PRKAR2A: variants seen among roughly 807,000 people sequenced by gnomAD.
PRKAR2A encodes cAMP-dependent protein kinase type II-alpha regulatory subunit.
In PRKAR2A, 29 loss-of-function variants were observed where a neutral mutation model predicts 51.9. That is an observed-to-expected ratio of 0.56 (90% CI 0.42 to 0.76). The LOEUF (loss-of-function observed/expected upper bound fraction) is 0.76, where lower values mean the gene tolerates loss of function less well. Ranked by LOEUF, PRKAR2A falls within the 30% of genes least tolerant of loss-of-function variation. PRKAR2A has a pLI of 0.00. For missense variants in PRKAR2A, 445 were observed against 512.1 expected (o/e 0.87, Z 1.26); for synonymous variants, 178 against 186.2 (o/e 0.96, Z 0.36).
chr3:48,796,669 G>GATT (rs1264041197), intron 2 of PRKAR2A, among the ~76,000 whole-genome samples: 8 of 97,088 alleles, frequency 8.2e-5, no homozygotes, highest in African/African-American at 2.9e-4. Context: ...GTAGAGACGG[G>GATT]GTTTTTTTTT....
chr3:48,762,101 C>G (rs906960333), intron 8 of PRKAR2A, among the ~76,000 whole-genome samples: 1 of 152,138 alleles, frequency 6.6e-6, no homozygotes, highest in African/African-American at 2.4e-5. Flanking sequence ...AAAATTAAAA[C>G]CATTTTCTCT....
intron 5 of PRKAR2A, among the ~76,000 whole-genome samples, chr3:48,778,821 A>ATT (rs759904828): frequency 3.4e-4 from 29 of 86,394 alleles, no homozygotes; most frequent in Admixed American, 6.4e-4. Context: ...CTCGGCCTGC[A>ATT]TTTTTTTTTT....
In PRKAR2A at chr3:48,752,318, C is replaced by T; in HGVS notation, c.940-1G>A. 1 of 1,613,202 alleles carries T rather than the reference C, an allele frequency of 6.2e-7. No homozygotes were observed. The highest frequency in any genetic ancestry group is 2.2e-5 in the East Asian group (1 of 44,880). On this transcript the variant is annotated splice_acceptor_variant, in intron 9 of 10. Coordinates refer to ENST00000265563, the MANE Select transcript of PRKAR2A (RefSeq NM_004157.4). LOFTEE classifies it high-confidence loss of function. ...TCCCACCATCCTTGTTTGATTTAGT[C>T]TACAGCAGGCAAAGAACATGACCTA...
chr3:48,822,412 C>T (rs1219669958), intron 1 of PRKAR2A, among the ~76,000 whole-genome samples: 1 of 151,980 alleles, frequency 6.6e-6, no homozygotes, highest in Non-Finnish European at 1.5e-5. Context: ...AGAACACCAG[C>T]TAGCACTCAC....
intron 9 of PRKAR2A, among the ~76,000 whole-genome samples, chr3:48,752,867 A>C (rs571315686): frequency 3.1e-4 from 47 of 150,530 alleles, no homozygotes; most frequent in African/African-American, 1.1e-3. Flanking sequence ...CTGGCCAACA[A>C]ATTTCTTTTT....
intron 1 of PRKAR2A, among the ~76,000 whole-genome samples, chr3:48,810,154 C>T (rs1043580584): frequency 6.6e-6 from 1 of 151,968 alleles, no homozygotes; most frequent in African/African-American, 2.4e-5. Context: ...ATGTAAACTG[C>T]CTTTAACCCA....
At chr3:48,837,210 G>A (rs2083300863) in intron 1 of PRKAR2A, among the ~76,000 whole-genome samples, 1 of 152,024 alleles carries the variant, frequency 6.6e-6, no homozygotes, top group Admixed American at 6.6e-5. Flanking sequence ...CAGGAGCCCA[G>A]CTATGGTGGC....
Position 48,747,885 on chromosome 3 carries a change from A to G in PRKAR2A, c.*3700T>C, listed in dbSNP as rs1199890981. ...AGTGCAGGGCTTGCCTGATGTGGAC[A>G]ATGTGGATACCTCAGCCCTGAGTTG... On this transcript the variant is annotated 3_prime_UTR_variant, in exon 11 of 11. Coordinates refer to ENST00000265563, the MANE Select transcript of PRKAR2A (RefSeq NM_004157.4). 1 of 152,252 alleles carries G rather than the reference A, an allele frequency of 6.6e-6. No homozygotes were observed. The highest frequency in any genetic ancestry group is 1.5e-5 in the Non-Finnish European group (1 of 68,056). The allele number at this position is 152,252 out of a possible 1,614,324, so 9.4% of individuals were successfully genotyped here.
Position 48,847,247 on chromosome 3 carries a change from G to T in PRKAR2A, c.262+88C>A. The T allele has an allele frequency of 1.4e-6, 2 of 1,480,774 alleles. No individual in the cohort carries two copies. The highest frequency in any genetic ancestry group is 1.8e-6 in the Non-Finnish European group (2 of 1,101,028). 91.7% of individuals were successfully genotyped at this position (1,480,774 alleles called of 1,614,324 possible). A position where few individuals can be genotyped will look rare whatever the true frequency, so the allele number is the denominator to read the frequency against. On this transcript the variant is annotated intron_variant, in intron 1 of 10. Coordinates refer to ENST00000265563, the MANE Select transcript of PRKAR2A (RefSeq NM_004157.4). This position sits in a 1 kb window ranked among gnomAD's most constrained non-coding sequence, Gnocchi z 4.4. ...CCAATCCCAGCCTGCGGTCGGCTTG[G>T]CTGCGGCGCGACACCTGGCTCCCTG... is the stretch of plus-strand genomic sequence containing the variant.
intron 2 of PRKAR2A, 68 bp downstream of exon 2, chr3:48,807,579 ATC>A (rs1244817975): frequency 1.2e-5 from 14 of 1,215,418 alleles, no homozygotes; most frequent in South Asian, 3.9e-5. Flanking sequence ...TATTCAAAAT[ATC>A]TGTTTTTTCA....
chr3:48,810,899 G>A (rs1396328571), intron 1 of PRKAR2A, among the ~76,000 whole-genome samples: 2 of 152,110 alleles, frequency 1.3e-5, no homozygotes, highest in African/African-American at 4.8e-5. Flanking sequence ...ACAAGGGGCC[G>A]GGTGCAGTGG....
intron 1 of PRKAR2A, among the ~76,000 whole-genome samples, chr3:48,835,169 C>T (rs1363834791): frequency 6.6e-6 from 1 of 152,026 alleles, no homozygotes; most frequent in Admixed American, 6.6e-5. Context: ...CGGGGTTTCC[C>T]CATGTTGGCC....
chr3:48,801,584 C>T (rs537835682), intron 2 of PRKAR2A, among the ~76,000 whole-genome samples: 1 of 152,176 alleles, frequency 6.6e-6, no homozygotes, highest in African/African-American at 2.4e-5. Flanking sequence ...CTACCATGCC[C>T]AGCTTTATTT....
At chr3:48,793,672 C>T (rs1217690604) in intron 3 of PRKAR2A, among the ~76,000 whole-genome samples, 2 of 151,584 alleles carry the variant, frequency 1.3e-5, no homozygotes, top group Non-Finnish European at 2.9e-5. Flanking sequence ...TTTTTTTCCC[C>T]ACAGAGATGG....
Position 48,751,679 on chromosome 3 carries a change from C to A in PRKAR2A, c.1121G>T (p.Cys374Phe), listed in dbSNP as rs1173866135. 1 of 1,613,888 alleles carries A rather than the reference C, an allele frequency of 6.2e-7. No individual in the cohort carries two copies. Among genetic ancestry groups the A allele is most frequent in the South Asian group, 1.1e-5 (1 of 91,084 alleles). ...GATGTTCCTCTTCATGATGTCCATG[C>A]AGGGCCCCAGAAGCCTCTCGAATGC... ...VQAFERLLGPCMDIMKRNISH... is the reference protein window; with the variant it reads ...VQAFERLLGPFMDIMKRNISH... Residue 374 changes from cysteine to phenylalanine, a missense_variant, in exon 11 of 11, where the codon TGC (cysteine) becomes TTC (phenylalanine). Transcript: ENST00000265563.
chr3:48,776,395 A>G (rs1228165273), intron 5 of PRKAR2A, among the ~76,000 whole-genome samples: 4 of 152,224 alleles, frequency 2.6e-5, no homozygotes, highest in African/African-American at 7.2e-5. Flanking sequence ...GGTAATATCT[A>G]TAATAGTAAA....
At chr3:48,756,071 T>C (rs145885061) in intron 9 of PRKAR2A, among the ~76,000 whole-genome samples, 1,975 of 151,874 alleles carry the variant, frequency 0.013, 22 homozygotes, top group Non-Finnish European at 0.02. Context: ...TGAGCCACTG[T>C]GCCCGGCCCC....
chr3:48,847,553 T>C lies in PRKAR2A; in HGVS notation c.44A>G (p.Gln15Arg). The C allele has an allele frequency of 1.3e-6, 2 of 1,563,852 alleles. No homozygotes were observed. The highest frequency in any genetic ancestry group is 1.7e-6 in the Non-Finnish European group (2 of 1,158,182). ...QIPPGLTELL[Q>R]GYTVEVLRQQ... ...TCGCAGCACCTCCACCGTGTAGCCC[T>C]GCAGCAGCTCCGTGAGCCCCGGCGG... The change falls in exon 1 of 11, where the codon CAG (glutamine) becomes CGG (arginine). Residue 15 changes from glutamine (Q) to arginine (R), a missense_variant. By Grantham distance (43) the Gln-to-Arg change is conservative. Transcript: ENST00000265563. This position sits in a 1 kb window ranked among gnomAD's most constrained non-coding sequence, Gnocchi z 4.4.
At chr3:48,798,974 G>T (rs922030918) in intron 2 of PRKAR2A, among the ~76,000 whole-genome samples, 12 of 152,010 alleles carry the variant, frequency 7.9e-5, no homozygotes, top group Admixed American at 7.2e-4. Context: ...CTTTTCTTTT[G>T]AACCCTGGAC....
Sources: allele counts gnomAD v4.1 joint callset (sites outside exome capture counted in the v4.1 genomes callset), GRCh38; gene constraint gnomAD v4.1.1; non-coding constraint Gnocchi (gnomAD v3.1); transcripts MANE v1.5; gene names NCBI Gene and HGNC (gene_info 2026-07-23, HGNC 2026-07-21).